Variants in MED27 observed in about 807,000 individuals in gnomAD.
The protein encoded by MED27 is mediator of RNA polymerase II transcription subunit 27.
MED27 carries 30 observed loss-of-function variants against 38.2 expected under a neutral mutation model. The observed-to-expected ratio is 0.79, with a 90% confidence interval of 0.59 to 1.07. The LOEUF (loss-of-function observed/expected upper bound fraction) is 1.07, where lower values mean the gene tolerates loss of function less well. Among genes scored for constraint, MED27 ranks in the 50% least tolerant of loss-of-function variants. The pLI, the probability that MED27 is intolerant of heterozygous loss-of-function variation, is 0.00. For synonymous variants in MED27, 122 were observed against 153.5 expected, an observed-to-expected ratio of 0.79 and a Z score of 1.52; for missense variants, 289 against 397.5, an observed-to-expected ratio of 0.73 and a Z score of 2.32.
chr9:132,045,021 G>C (rs1833300163), intron 2 of MED27, among the ~76,000 whole-genome samples: 1 of 151,958 alleles, frequency 6.6e-6, no homozygotes, highest in East Asian at 1.9e-4. Context: ...GTTTCAAAGA[G>C]ACAGGTGAAA....
chr9:131,980,105 GTGTGTGTATATA>G (rs921860562), intron 3 of MED27, among the ~76,000 whole-genome samples: 2 of 150,618 alleles, frequency 1.3e-5, no homozygotes, highest in African/African-American at 2.4e-5. Context: ...TAATATATGT[GTGTGTGTATATA>G]TGTGTGTATA....
chr9:132,035,794 CT>C (rs1244561282), intron 2 of MED27, among the ~76,000 whole-genome samples: 2 of 152,146 alleles, frequency 1.3e-5, no homozygotes, highest in Non-Finnish European at 2.9e-5. Flanking sequence ...AAGACCCCAT[CT>C]CTACCAAAAA....
At chr9:131,882,197 C>G (rs533024613) in intron 6 of MED27, among the ~76,000 whole-genome samples, 1 of 152,164 alleles carries the variant, frequency 6.6e-6, no homozygotes, top group South Asian at 2.1e-4. Flanking sequence ...TAATCCTAGA[C>G]GCCTGTCCTC....
chr9:131,880,275 C>T (rs1839013894), intron 6 of MED27, among the ~76,000 whole-genome samples: 1 of 152,074 alleles, frequency 6.6e-6, no homozygotes, highest in African/African-American at 2.4e-5. Context: ...AAGGATTAAG[C>T]TTAATTCTGT....
chr9:131,950,525 A>T (rs957123157), intron 3 of MED27, among the ~76,000 whole-genome samples: 1 of 152,116 alleles, frequency 6.6e-6, no homozygotes, highest in African/African-American at 2.4e-5. Context: ...TTTCCATTTG[A>T]TTTTTTTAAC....
chr9:132,034,060 T>C (rs1387392421), intron 2 of MED27, among the ~76,000 whole-genome samples: 1 of 152,198 alleles, frequency 6.6e-6, no homozygotes, highest in Non-Finnish European at 1.5e-5. Context: ...ACAGCACCAA[T>C]ACAGCCCCGT....
chr9:131,938,424 A>C (rs1213613736), intron 4 of MED27, among the ~76,000 whole-genome samples: 2 of 152,214 alleles, frequency 1.3e-5, no homozygotes, highest in Non-Finnish European at 2.9e-5. Context: ...AGTATTCTTC[A>C]AGCACATACA....
At chr9:132,034,943 C>T (rs538274254) in intron 2 of MED27, among the ~76,000 whole-genome samples, 1 of 152,254 alleles carries the variant, frequency 6.6e-6, no homozygotes, top group East Asian at 1.9e-4. Flanking sequence ...ATCAGTTCAC[C>T]GGACCATACA....
At chr9:132,071,488 AC>A (rs1465848366) in intron 2 of MED27, among the ~76,000 whole-genome samples, 1 of 151,488 alleles carries the variant, frequency 6.6e-6, no homozygotes, top group Non-Finnish European at 1.5e-5. Flanking sequence ...ATAAGTCCAT[AC>A]ACGTACGAGT....
chr9:132,000,424 C>CT (rs1486967231), intron 3 of MED27, among the ~76,000 whole-genome samples: 4 of 152,116 alleles, frequency 2.6e-5, no homozygotes, highest in Non-Finnish European at 2.9e-5. Flanking sequence ...ACGACACAAC[C>CT]TTTTGAAAAA....
intron 3 of MED27, among the ~76,000 whole-genome samples, chr9:131,966,216 C>A (rs7035901): frequency 0.34 from 39,199 of 114,226 alleles, 6,634 homozygotes; most frequent in African/African-American, 0.41. Context: ...AAAAAAAAAA[C>A]AAAACAAAAC....
At chr9:131,873,892 C>T (rs1219307853) in intron 6 of MED27, among the ~76,000 whole-genome samples, 5 of 152,178 alleles carry the variant, frequency 3.3e-5, no homozygotes, top group African/African-American at 1.2e-4. Context: ...CCAACCTTAT[C>T]CTCTTTAAAG....
At chr9:131,958,988 G>A (rs895267917) in intron 3 of MED27, among the ~76,000 whole-genome samples, 4 of 152,234 alleles carry the variant, frequency 2.6e-5, no homozygotes, top group African/African-American at 4.8e-5. Context: ...TGTTTGAATA[G>A]AGAAAACATT....
At chr9:131,978,384 C>A (rs1046134812) in intron 3 of MED27, among the ~76,000 whole-genome samples, 2 of 152,262 alleles carry the variant, frequency 1.3e-5, no homozygotes, top group Admixed American at 1.3e-4. Flanking sequence ...AATTATGACA[C>A]CTATGAAACA....
At chr9:131,958,428 A>C (rs1330053873) in intron 3 of MED27, among the ~76,000 whole-genome samples, 1 of 152,048 alleles carries the variant, frequency 6.6e-6, no homozygotes, top group East Asian at 1.9e-4. Context: ...TTGTATTTTT[A>C]GTAGAGACAA....
rs1831750354 is a variant in MED27, at chr9:131,982,140, C to G, written c.479+32197G>C. Reference sequence around the variant, plus strand: ...CTTGTGGAGTCTCCTCCCCTTGAGTCTGGGACAGTCTTGTGACTTGCTTTA... The same window carrying G: ...CTTGTGGAGTCTCCTCCCCTTGAGTGTGGGACAGTCTTGTGACTTGCTTTA... On this transcript the variant is annotated intron_variant, in intron 3 of 7. Coordinates refer to ENST00000292035, the MANE Select transcript of MED27 (RefSeq NM_004269.4). This position sits in a 1 kb window ranked among gnomAD's most constrained non-coding sequence, Gnocchi z 4.3. Among the ~76,000 whole-genome samples, 1 of 152,216 alleles carries G rather than the reference C, an allele frequency of 6.6e-6. No individual in the cohort carries two copies. The highest frequency in any genetic ancestry group is 2.4e-5 in the African/African-American group (1 of 41,456).
intron 2 of MED27, among the ~76,000 whole-genome samples, chr9:132,047,497 G>A (rs1833369582): frequency 6.7e-6 from 1 of 149,820 alleles, no homozygotes; most frequent in Non-Finnish European, 1.5e-5. Context: ...CTTGGAACCT[G>A]TATAGTGGTT....
intron 3 of MED27, among the ~76,000 whole-genome samples, chr9:131,941,873 T>A (rs1220032393): frequency 1.5e-5 from 2 of 133,674 alleles, no homozygotes; most frequent in Admixed American, 1.7e-4. Flanking sequence ...TCACCCAGGC[T>A]GGAGTGCAGT....
chr9:131,953,818 CTTTTT>C (rs35830214), intron 3 of MED27, among the ~76,000 whole-genome samples: 1 of 135,286 alleles, frequency 7.4e-6, no homozygotes, highest in Non-Finnish European at 1.6e-5. Context: ...ACTTTTATAT[CTTTTT>C]TTTTTTTTTT....
Sources: gnomAD v4.1 joint callset for allele counts (sites outside exome capture counted in the v4.1 genomes callset) on GRCh38, gnomAD v4.1.1 for gene constraint, Gnocchi (gnomAD v3.1) non-coding constraint, MANE v1.5 for transcripts, NCBI Gene and HGNC (gene_info 2026-07-23, HGNC 2026-07-21) for gene names.